SCOC: variants seen among roughly 807,000 people sequenced by gnomAD.
SCOC encodes short coiled coil protein.
Under a neutral mutation model 9.9 loss-of-function variants are expected in SCOC, and 7 were observed. The observed-to-expected ratio is 0.71, with a 90% CI of 0.40 to 1.33. The LOEUF is 1.33. Among genes scored for constraint, SCOC ranks in the 40% most tolerant of loss-of-function variants. SCOC has a pLI of 0.01. For missense variants in SCOC, 66 were observed against 89.7 expected (o/e 0.74, Z 1.07); for synonymous variants, 19 against 28.2 (o/e 0.67, Z 1.03).
chr4:140,367,379 G>A (rs1473729855), intron 2 of SCOC, among the ~76,000 whole-genome samples: 1 of 151,912 alleles, frequency 6.6e-6, no homozygotes, highest in Non-Finnish European at 1.5e-5. Flanking sequence ...TGATTTTAAA[G>A]CCAGATTATT....
chr4:140,277,027 C>T (rs1215781632), intron 1 of SCOC, among the ~76,000 whole-genome samples: 2 of 152,030 alleles, frequency 1.3e-5, no homozygotes, highest in Non-Finnish European at 2.9e-5. Flanking sequence ...TGATAGGGAC[C>T]AAAAGAAAGT....
chr4:140,268,958 G>A (rs1455342683), intron 1 of SCOC, among the ~76,000 whole-genome samples: 3 of 152,116 alleles, frequency 2.0e-5, no homozygotes, highest in Non-Finnish European at 2.9e-5. Context: ...CGATTCTGAC[G>A]GGTATATGGA....
At chr4:140,363,651 A>C (rs1727666557) in intron 2 of SCOC, among the ~76,000 whole-genome samples, 1 of 152,216 alleles carries the variant, frequency 6.6e-6, no homozygotes, top group African/African-American at 2.4e-5. Context: ...ACTGTAGTAC[A>C]TACTGTACTA....
chr4:140,325,818 C>T (rs1288377604), intron 1 of SCOC, among the ~76,000 whole-genome samples: 2 of 151,994 alleles, frequency 1.3e-5, no homozygotes, highest in African/African-American at 4.8e-5. Context: ...TCCAGAAATC[C>T]CAATCCAAGG....
At chr4:140,265,000 G>A (rs973339075) in intron 1 of SCOC, among the ~76,000 whole-genome samples, 13 of 152,100 alleles carry the variant, frequency 8.5e-5, no homozygotes, top group Non-Finnish European at 1.3e-4. Flanking sequence ...GACTTCTAGC[G>A]TAGCTATGCC....
intron 1 of SCOC, among the ~76,000 whole-genome samples, chr4:140,324,460 A>C (rs1426635444): frequency 1.3e-5 from 2 of 152,180 alleles, no homozygotes; most frequent in Admixed American, 1.3e-4. Context: ...GACAATTCCA[A>C]AAATATACAA....
At chr4:140,285,169 C>A (rs754628496) in intron 1 of SCOC, 1 of 456,550 alleles carries the variant, frequency 2.2e-6, no homozygotes, top group Non-Finnish European at 4.4e-6. Context: ...AGTTGGGTCC[C>A]AAGGTCTTAC....
At chr4:140,260,623 C>T (rs1213363801) in intron 1 of SCOC, among the ~76,000 whole-genome samples, 1 of 152,162 alleles carries the variant, frequency 6.6e-6, no homozygotes, top group Non-Finnish European at 1.5e-5. Context: ...AGACCAATGT[C>T]CTGAAATTTT....
At position 140,358,667 on chromosome 4, in the gene SCOC, T is replaced by C. The variant is rs768588362; in HGVS notation, c.70+14959T>C. ...AAAGGTACTAGTTATACAACACCCT[T>C]GGGAGAATTCAGAAAGTAGTCACTC... On this transcript the variant is annotated intron_variant, in intron 2 of 4. Transcript: ENST00000338517. 2.6e-5 allele frequency among the ~76,000 whole-genome samples: 4 copies of C among 152,338 alleles called. No homozygotes were observed. In the Middle Eastern group the frequency reaches 0.01, roughly 389 times the overall value.
At chr4:140,311,222 C>A (rs1732147137) in intron 1 of SCOC, among the ~76,000 whole-genome samples, 1 of 152,068 alleles carries the variant, frequency 6.6e-6, no homozygotes. Context: ...GGCAACAGAC[C>A]CCTATCTCTT....
intron 2 of SCOC, among the ~76,000 whole-genome samples, chr4:140,350,744 G>T (rs925803746): frequency 1.3e-5 from 2 of 152,178 alleles, no homozygotes; most frequent in Non-Finnish European, 2.9e-5. Flanking sequence ...GCTGCAAAAT[G>T]ATCATAAGAG....
exon 2 of SCOC, chr4:140,343,675 A>G (rs775176451): frequency 1.2e-6 from 2 of 1,613,800 alleles, no homozygotes; most frequent in Non-Finnish European, 8.5e-7. Context: ...GGAAGACAGC[A>G]CATTCACCAA....
At chr4:140,291,430 A>C (rs1326504401) in intron 1 of SCOC, 1 of 457,038 alleles carries the variant, frequency 2.2e-6, no homozygotes. Context: ...TCTGGTGTAT[A>C]GCAACCTCTT....
At chr4:140,366,230 C>T in intron 2 of SCOC, 5 of 806,786 alleles carry the variant, frequency 6.2e-6, no homozygotes, top group Non-Finnish European at 4.7e-6. Context: ...CTTTTCTAAT[C>T]ACCTCTTTCT....
At chr4:140,375,425 G>A (rs1728303279) in intron 1 of SCOC, among the ~76,000 whole-genome samples, 1 of 152,218 alleles carries the variant, frequency 6.6e-6, no homozygotes, top group African/African-American at 2.4e-5. Flanking sequence ...AGGCCGAGGT[G>A]TTAACCTTGC....
At chr4:140,346,586 T>C (rs13118908) in intron 2 of SCOC, among the ~76,000 whole-genome samples, 86,288 of 152,124 alleles carry the variant, frequency 0.57, 26,405 homozygotes, top group Non-Finnish European at 0.7. Context: ...AATCAAACTT[T>C]CATTTACTTT....
At chr4:140,362,275 T>TTCTTCTTCTCCTTCTCCTTC (rs1553941067) in intron 2 of SCOC, among the ~76,000 whole-genome samples, 2 of 10,694 alleles carry the variant, frequency 1.9e-4, no homozygotes, top group Non-Finnish European at 4.6e-4. Flanking sequence ...AGGTGTGTCC[T>TTCTTCTTCTCCTTCTCCTTC]TACTTCTTCT....
chr4:140,264,590 T>A (rs1403303802), intron 1 of SCOC, among the ~76,000 whole-genome samples: 1 of 152,274 alleles, frequency 6.6e-6, no homozygotes, highest in East Asian at 1.9e-4. Flanking sequence ...GGCAGGGACT[T>A]CTTTTGGTGG....
chr4:140,315,619 C>T (rs1473077445), intron 1 of SCOC, among the ~76,000 whole-genome samples: 1 of 152,192 alleles, frequency 6.6e-6, no homozygotes, highest in African/African-American at 2.4e-5. Context: ...TTGGGCAACT[C>T]CCAGGACTTT....
Sources: allele counts gnomAD v4.1 joint callset (sites outside exome capture counted in the v4.1 genomes callset), GRCh38; gene constraint gnomAD v4.1.1; transcripts MANE v1.5; gene names NCBI Gene and HGNC (gene_info 2026-07-23, HGNC 2026-07-21).